CENPI: variants seen among roughly 807,000 people sequenced by gnomAD.
CENPI encodes the protein FSH primary response 1.
Under a neutral mutation model 60.4 loss-of-function variants are expected in CENPI, and 4 were observed. The observed-to-expected ratio is 0.07, with a 90% CI of 0.03 to 0.15. CENPI has a LOEUF of 0.15. CENPI is among the 10% of genes least tolerant of loss of function. The pLI is 1.00. For synonymous variants in CENPI, 157 were observed against 189.4 expected, an observed-to-expected ratio of 0.83 and a Z score of 1.40; for missense variants, 444 against 534.5, an observed-to-expected ratio of 0.83 and a Z score of 1.67.
chrX:101,118,399 T>C (rs2089644701), intron 6 of CENPI, among the ~76,000 whole-genome samples: 1 of 112,210 alleles, frequency 8.9e-6, no homozygotes, highest in African/African-American at 3.2e-5. Flanking sequence ...TAACCTCATA[T>C]TGTTTCTGTT....
chrX:101,151,183 A>G (rs2090003366), intron 20 of CENPI, among the ~76,000 whole-genome samples: 1 of 111,771 alleles, frequency 8.9e-6, no homozygotes. Context: ...AGCTTGTGAG[A>G]GGACTAATTT....
chrX:101,180,107 G>A, the CENPI span, among the ~76,000 whole-genome samples: 1 of 111,543 alleles, frequency 9.0e-6, no homozygotes, highest in Non-Finnish European at 1.9e-5. Context: ...TGGCCATTGT[G>A]TATCTTTTCT....
At chrX:101,169,890 T>C, downstream of CENPI, among the ~76,000 whole-genome samples, 1 of 112,042 alleles carries the variant, frequency 8.9e-6, no homozygotes, top group Non-Finnish European at 1.9e-5. Flanking sequence ...AAAATAAAGA[T>C]ATAAAGAAAA....
chrX:101,102,790 C>G (rs1301143703), intron 4 of CENPI, among the ~76,000 whole-genome samples: 4 of 107,845 alleles, frequency 3.7e-5, no homozygotes, highest in African/African-American at 1.4e-4. Context: ...AGCAATTCTC[C>G]TGCCTCAGCC....
intron 20 of CENPI, among the ~76,000 whole-genome samples, chrX:101,157,979 A>G (rs1453058288): frequency 2.7e-5 from 3 of 111,248 alleles, no homozygotes; most frequent in East Asian, 2.8e-4. Flanking sequence ...CCAGCCTCCA[A>G]TGACCATCAT....
At chrX:101,173,160 C>T in the CENPI span, among the ~76,000 whole-genome samples, 51 of 105,875 alleles carry the variant, frequency 4.8e-4, no homozygotes, top group Middle Eastern at 0.014. Flanking sequence ...AGACTACAGG[C>T]GTGCTCCACC....
the CENPI span, among the ~76,000 whole-genome samples, chrX:101,181,416 T>C: frequency 8.9e-6 from 1 of 112,442 alleles, no homozygotes; most frequent in Non-Finnish European, 1.9e-5. Flanking sequence ...CTTAAAACAA[T>C]TTTAAGTTTT....
At chrX:101,179,134 A>G in the CENPI span, among the ~76,000 whole-genome samples, 11 of 112,181 alleles carry the variant, frequency 9.8e-5, no homozygotes, top group South Asian at 3.7e-4. Flanking sequence ...TTCATCACCC[A>G]GAAAGGAAAC....
chrX:101,176,744 T>TC, the CENPI span, among the ~76,000 whole-genome samples: 1 of 113,242 alleles, frequency 8.8e-6, no homozygotes, highest in Non-Finnish European at 1.9e-5. Flanking sequence ...GTTGGTTGTT[T>TC]CCTTTGCTGC....
intron 4 of CENPI, among the ~76,000 whole-genome samples, 164 bp downstream of exon 4, chrX:101,102,575 G>C (rs12833675): frequency 0.11 from 11,361 of 107,449 alleles, 476 homozygotes; most frequent in Non-Finnish European, 0.13. Context: ...TGCCCAGGTT[G>C]GTCTCGAACT....
chrX:101,143,514 G>C (rs1290430124), intron 16 of CENPI, among the ~76,000 whole-genome samples: 2 of 111,559 alleles, frequency 1.8e-5, no homozygotes, highest in Non-Finnish European at 3.8e-5. Context: ...TTGAATTCAA[G>C]TGAAAAAAAA....
At position 101,106,763 on chromosome X, in the gene CENPI, A is replaced by G. The variant is rs759601378; in HGVS notation, c.365-2710A>G. ...AATGGTATTACTGCCAGCCAATTCC[A>G]AGAATATCTTGTTCTAGGCCAGTCA... On this transcript the variant is annotated intron_variant, in intron 4 of 21. Transcript: ENST00000682095. Among the ~76,000 whole-genome samples, 17 of 111,235 alleles carry G rather than the reference A, an allele frequency of 1.5e-4. No homozygotes were observed. In the South Asian group the frequency reaches 5.3e-3, roughly 35 times the overall value.
intron 13 of CENPI, among the ~76,000 whole-genome samples, chrX:101,130,910 C>T (rs573391906): frequency 3.6e-5 from 4 of 112,134 alleles, no homozygotes; most frequent in East Asian, 2.8e-4. Flanking sequence ...CCACACATTA[C>T]GAGCTCCCAG....
chrX:101,143,585 C>T (rs1209638576), intron 16 of CENPI, among the ~76,000 whole-genome samples: 2 of 112,782 alleles, frequency 1.8e-5, no homozygotes, highest in African/African-American at 6.4e-5. Flanking sequence ...GGCTGAAGTG[C>T]GATAGCACGA....
chrX:101,104,680 G>A (rs907079607), intron 4 of CENPI, among the ~76,000 whole-genome samples: 29 of 98,052 alleles, frequency 3.0e-4, no homozygotes, highest in East Asian at 3.1e-4. Flanking sequence ...GCAACAAAGC[G>A]AAACCTTGTC....
the CENPI span, among the ~76,000 whole-genome samples, chrX:101,177,786 C>T: frequency 3.6e-5 from 4 of 112,032 alleles, no homozygotes; most frequent in South Asian, 3.7e-4. Context: ...GGATCCTTGC[C>T]GATGCCTTCC....
rs2090129438 is a variant in CENPI at position 101,163,613 on chromosome X, G to T, written c.*646G>T. The T allele has an allele frequency of 1.8e-5, 2 of 112,375 alleles. No homozygotes were observed. Among genetic ancestry groups the T allele is most frequent in the Admixed American group, 1.9e-4 (2 of 10,592 alleles). 9.3% of individuals were successfully genotyped at this position (112,375 alleles called of 1,213,427 possible). A position where few individuals can be genotyped will look rare whatever the true frequency, so the allele number is the denominator to read the frequency against. ...TGTATATGTGTATGTGTGCGTGTAT[G>T]TGTGTGTCTGTAGCTTCAGTTTTTA... is the stretch of plus-strand genomic sequence containing the variant. On this transcript the variant is annotated 3_prime_UTR_variant, in exon 22 of 22. Transcript: ENST00000682095.
At position 101,101,311 on chromosome X, in the gene CENPI, T is replaced by G; in HGVS notation, c.226+15T>G. The G allele has an allele frequency of 9.4e-7, 1 of 1,064,794 alleles. No individual in the cohort carries two copies. The highest frequency in any genetic ancestry group is 1.3e-6 in the Non-Finnish European group (1 of 766,629). The allele number at this position is 1,064,794 out of a possible 1,213,427, so 87.8% of individuals were successfully genotyped here. A position where few individuals can be genotyped will look rare whatever the true frequency, so the allele number is the denominator to read the frequency against. On this transcript the variant is annotated intron_variant, in intron 3 of 21. Transcript: ENST00000682095. ...TTTTGAGAAAGGTAAAGGTGGATTGTTTTCCTTATGAAACTCCTATTTCTG... is the reference window on the plus strand; with the variant it reads ...TTTTGAGAAAGGTAAAGGTGGATTGGTTTCCTTATGAAACTCCTATTTCTG...
intron 16 of CENPI, among the ~76,000 whole-genome samples, chrX:101,144,020 C>T (rs1370470255): frequency 9.2e-6 from 1 of 108,547 alleles, no homozygotes; most frequent in Non-Finnish European, 1.9e-5. Flanking sequence ...TAAATTAGTT[C>T]TCATTTTTTC....
Sources: allele counts gnomAD v4.1 joint callset (sites outside exome capture counted in the v4.1 genomes callset), GRCh38; gene constraint gnomAD v4.1.1; transcripts MANE v1.5; gene names NCBI Gene and HGNC (gene_info 2026-07-23, HGNC 2026-07-21).